Variants in CLTCL1 observed in about 807,000 individuals in gnomAD.
CLTCL1 encodes the protein clathrin heavy chain 2.
CLTCL1 carries 159 observed loss-of-function variants against 190.0 expected under a neutral mutation model. The observed-to-expected ratio is 0.84, with a 90% CI of 0.74 to 0.95. The LOEUF is 0.95. Among genes scored for constraint, CLTCL1 ranks in the 40% least tolerant of loss-of-function variants. The probability of loss-of-function intolerance (pLI) is 0.00; values close to 1 mark genes in which losing one functional copy is unlikely to be tolerated. For missense variants in CLTCL1, 1,878 were observed against 2,033.4 expected, an observed-to-expected ratio of 0.92 and a Z score of 1.47; for synonymous variants, 752 against 769.6, an observed-to-expected ratio of 0.98 and a Z score of 0.38.
Position 19,210,349 on chromosome 22 carries a change from CA to C in CLTCL1, c.3225del (p.Phe1075LeufsTer3). ...YEEAFTVFHK[F>X]DMNASAIQVL... ...ACCTGGATTGCTGAGGCATTCATAT[CA>C]AACTTGTGGAAAACGGTGAAGGCCT... On this transcript the variant is annotated frameshift_variant, in exon 20 of 33. Transcript: ENST00000427926. LOFTEE classifies it high-confidence loss of function. 2 of 1,613,952 alleles carry C rather than the reference CA, an allele frequency of 1.2e-6. No individual in the cohort carries two copies. The highest frequency in any genetic ancestry group is 1.7e-6 in the Non-Finnish European group (2 of 1,179,834).
intron 1 of CLTCL1, among the ~76,000 whole-genome samples, chr22:19,286,191 G>T (rs1383188386): frequency 6.6e-6 from 1 of 152,142 alleles, no homozygotes; most frequent in Non-Finnish European, 1.5e-5. Context: ...CTATGGTGAA[G>T]ATCTGTTTTT....
chr22:19,207,585 A>C (rs1294439690), intron 22 of CLTCL1: 1 of 406,782 alleles, frequency 2.5e-6, no homozygotes, highest in Non-Finnish European at 4.3e-6. Context: ...CCCAACCCCC[A>C]TGCCACGGAC....
chr22:19,226,092 G>A, intron 12 of CLTCL1, 127 bp downstream of exon 12: 1 of 1,062,782 alleles, frequency 9.4e-7, no homozygotes, highest in Non-Finnish European at 1.3e-6. Flanking sequence ...AGTAAAGTAT[G>A]GTAGGTTAGG....
chr22:19,216,403 G>A (rs2085386636), intron 18 of CLTCL1, 147 bp from the exon 19 acceptor site: 1 of 699,358 alleles, frequency 1.4e-6, no homozygotes, highest in Admixed American at 3.1e-5. Flanking sequence ...CAAAGGAAGG[G>A]TTTTCAAAGT....
At chr22:19,185,751 T>C (rs2084295927) in intron 29 of CLTCL1, among the ~76,000 whole-genome samples, 1 of 152,218 alleles carries the variant, frequency 6.6e-6, no homozygotes, top group South Asian at 2.1e-4. Flanking sequence ...TGCTCACTCA[T>C]CACTGCCTGA....
chr22:19,212,901 T>A (rs2085278594), intron 19 of CLTCL1, among the ~76,000 whole-genome samples: 1 of 152,022 alleles, frequency 6.6e-6, no homozygotes, highest in Admixed American at 6.6e-5. Context: ...TAACAGAAAA[T>A]CTCTGTGACC....
At chr22:19,192,458 T>C (rs2084543791) in intron 26 of CLTCL1, among the ~76,000 whole-genome samples, 1 of 152,158 alleles carries the variant, frequency 6.6e-6, no homozygotes, top group African/African-American at 2.4e-5. Flanking sequence ...CAGATGGGCA[T>C]GAACCAAGAC....
chr22:19,274,902 A>AT (rs2087447346), intron 2 of CLTCL1, among the ~76,000 whole-genome samples: 1 of 151,580 alleles, frequency 6.6e-6, no homozygotes, highest in African/African-American at 2.4e-5. Context: ...AATTTTTTGT[A>AT]TTTTTAATAG....
intron 4 of CLTCL1, among the ~76,000 whole-genome samples, chr22:19,241,350 T>G (rs568566072): frequency 6.6e-6 from 1 of 152,164 alleles, no homozygotes; most frequent in Non-Finnish European, 1.5e-5. Flanking sequence ...AAAGGAGAGG[T>G]GTGCCTCACT....
intron 1 of CLTCL1, among the ~76,000 whole-genome samples, chr22:19,278,552 C>T (rs1165169296): frequency 6.6e-6 from 1 of 152,144 alleles, no homozygotes; most frequent in African/African-American, 2.4e-5. Flanking sequence ...TAAGCACAAC[C>T]ACTGATACTT....
intron 10 of CLTCL1, among the ~76,000 whole-genome samples, chr22:19,230,475 T>G (rs375774798): frequency 3.3e-5 from 5 of 152,158 alleles, no homozygotes; most frequent in African/African-American, 1.2e-4. Context: ...TAGTCCCAGC[T>G]ACTCAGGAGG....
At chr22:19,182,368 C>A (rs938010625) in intron 30 of CLTCL1, 1 of 152,308 alleles carries the variant, frequency 6.6e-6, no homozygotes, top group Non-Finnish European at 1.5e-5. Flanking sequence ...TGGCAGCCCA[C>A]GAATCTCAGG....
intron 1 of CLTCL1, among the ~76,000 whole-genome samples, chr22:19,280,423 G>A (rs2087665307): frequency 6.6e-6 from 1 of 152,018 alleles, no homozygotes. Flanking sequence ...TAAGCAAAAT[G>A]TGTTATACAC....
intron 27 of CLTCL1, among the ~76,000 whole-genome samples, chr22:19,188,498 G>A (rs2084386410): frequency 6.6e-6 from 1 of 152,186 alleles, no homozygotes; most frequent in South Asian, 2.1e-4. Flanking sequence ...AATCATCTGA[G>A]CCTTCAGTGA....
chr22:19,214,272 G>A (rs560829197), intron 19 of CLTCL1, among the ~76,000 whole-genome samples: 6 of 152,290 alleles, frequency 3.9e-5, no homozygotes, highest in South Asian at 2.1e-4. Context: ...GATTAGGAGA[G>A]TGGGGTTCCT....
Position 19,276,423 on chromosome 22 carries a change from C to T in CLTCL1, c.43-593G>A, listed in dbSNP as rs117210696. 9.0e-3 allele frequency among the ~76,000 whole-genome samples: 1,364 copies of T among 152,282 alleles called. 28 individuals are homozygous for T. Among genetic ancestry groups the T allele is most frequent in the East Asian group, 0.056 (291 of 5,170 alleles). On this transcript the variant is annotated intron_variant, in intron 1 of 32. Transcript: ENST00000427926. ...AATAAGAAAGTCAGCAGGTTTGGCA[C>T]ATCTTCCAGGGCCGATGGACTGCTA... is the stretch of plus-strand genomic sequence containing the variant.
rs782227482 is a variant in CLTCL1, at chr22:19,254,103, G to A, written c.375C>T (p.Thr125=). The change falls in exon 3 of 33, where the codon ACC becomes ACT. Residue 125 remains threonine, a synonymous_variant. Transcript: ENST00000427926. The stretch of plus-strand genomic sequence containing the variant: ...CTTCCATGCTCCAGTGGTAGACCGC[G>A]GTCTCGGTCACCAAGGCAACAGTGT... ...SVNTVALVTE[T]AVYHWSMEGD... 1.3e-5 allele frequency: 21 copies of A among 1,612,952 alleles called. No individual in the cohort carries two copies. Among genetic ancestry groups the A allele is most frequent in the African/African-American group, 2.7e-5 (2 of 74,874 alleles).
At chr22:19,266,062 T>A (rs2087114453) in intron 2 of CLTCL1, among the ~76,000 whole-genome samples, 1 of 152,076 alleles carries the variant, frequency 6.6e-6, no homozygotes, top group South Asian at 2.1e-4. Flanking sequence ...GTTTTTTAAT[T>A]TGTAGAGATG....
In CLTCL1 at chr22:19,209,010, T is replaced by C; in HGVS notation, c.3354A>G (p.Lys1118=). The change falls in exon 21 of 33, where the codon AAA becomes AAG. Residue 1118 remains lysine, a synonymous_variant. Transcript: ENST00000427926. ...AGTTGATGGCTTCCTTCACCAAATC[T>C]TTCTGGAGCTGGGCTTGGGCCAGCT... The part of the protein sequence containing the change: ...WSQLAQAQLQ[K]DLVKEAINSY... The C allele has an allele frequency of 8.1e-6, 13 of 1,611,774 alleles. No individual in the cohort carries two copies. Among genetic ancestry groups the C allele is most frequent in the African/African-American group, 1.3e-5 (1 of 75,000 alleles).
Sources: gnomAD v4.1 joint callset for allele counts (sites outside exome capture counted in the v4.1 genomes callset) on GRCh38, gnomAD v4.1.1 for gene constraint, MANE v1.5 for transcripts, NCBI Gene and HGNC (gene_info 2026-07-23, HGNC 2026-07-21) for gene names.